Variants in TMEM132C observed in about 807,000 individuals in gnomAD.
The protein encoded by TMEM132C is protein phosphatase 1, regulatory subunit 152.
A neutral mutation model predicts 61.4 loss-of-function variants in TMEM132C; 29 were observed. That is an observed-to-expected ratio of 0.47 (90% CI 0.35 to 0.64). TMEM132C has a LOEUF of 0.64. TMEM132C is among the 30% of genes least tolerant of loss of function. TMEM132C has a pLI of 0.00. For synonymous variants in TMEM132C, 656 were observed against 633.1 expected (o/e 1.04, Z -0.54); for missense variants, 1,408 against 1,476.9 (o/e 0.95, Z 0.76).
At chr12:128,595,465 G>C (rs756907412) in intron 3 of TMEM132C, among the ~76,000 whole-genome samples, 27 of 152,308 alleles carry the variant, frequency 1.8e-4, no homozygotes, top group Admixed American at 5.9e-4. Flanking sequence ...GTTCACTAAG[G>C]GGGGAAGCTG....
At chr12:128,287,484 CATATCTATATCTATATCT>C (rs5801788) in intron 1 of TMEM132C, among the ~76,000 whole-genome samples, 1,993 of 150,054 alleles carry the variant, frequency 0.013, 18 homozygotes, top group Middle Eastern at 0.076. Flanking sequence ...CCTCTGTCTG[CATATCTATATCTATATCT>C]ATATCTATAT....
chr12:128,641,762 T>G (rs549032944), intron 4 of TMEM132C, among the ~76,000 whole-genome samples: 1 of 152,360 alleles, frequency 6.6e-6, no homozygotes, highest in South Asian at 2.1e-4. Flanking sequence ...GGGAAACTAA[T>G]CTAAAATTGG....
At chr12:128,674,195 G>A (rs1954562227) in intron 5 of TMEM132C, among the ~76,000 whole-genome samples, 1 of 152,212 alleles carries the variant, frequency 6.6e-6, no homozygotes, top group Non-Finnish European at 1.5e-5. Context: ...CATTTCCCAT[G>A]AATGGCATCA....
At chr12:128,325,569 A>C (rs756260665) in intron 1 of TMEM132C, among the ~76,000 whole-genome samples, 5 of 152,170 alleles carry the variant, frequency 3.3e-5, no homozygotes, top group Non-Finnish European at 7.3e-5. Context: ...ATTCTTCATG[A>C]AAGTTACTTA....
At chr12:128,407,651 C>G (rs904281144) in intron 1 of TMEM132C, among the ~76,000 whole-genome samples, 1 of 152,198 alleles carries the variant, frequency 6.6e-6, no homozygotes, top group Non-Finnish European at 1.5e-5. Context: ...GCTTGTTCTT[C>G]TTCCTACTAT....
chr12:128,476,280 T>C (rs549087423), intron 2 of TMEM132C, among the ~76,000 whole-genome samples: 3 of 152,260 alleles, frequency 2.0e-5, no homozygotes, highest in African/African-American at 7.2e-5. Context: ...GGAGTCGGAA[T>C]CCTTCCTGGC....
At position 128,383,259 on chromosome 12, in the gene TMEM132C, G is replaced by A. The variant is rs564190083; in HGVS notation, c.86-31473G>A. Among the ~76,000 whole-genome samples the A allele has an allele frequency of 2.6e-5, 4 of 152,258 alleles. No homozygotes were observed. The East Asian group carries it at 7.7e-4, about 29-fold the overall frequency. Reference sequence around the variant, plus strand: ...GTATTTGTGCTCTGTGTATATACGTGCATGTCTGTGTATTCCTCTAGGGCA... The same window carrying A: ...GTATTTGTGCTCTGTGTATATACGTACATGTCTGTGTATTCCTCTAGGGCA... On this transcript the variant is annotated intron_variant, in intron 1 of 8. Coordinates refer to ENST00000435159, the MANE Select transcript of TMEM132C (RefSeq NM_001136103.3).
chr12:128,510,138 A>G (rs574857595), intron 2 of TMEM132C, among the ~76,000 whole-genome samples: 2 of 152,202 alleles, frequency 1.3e-5, no homozygotes, highest in South Asian at 4.1e-4. Flanking sequence ...GATTAAGGTG[A>G]GGAGAAGGAT....
intron 4 of TMEM132C, among the ~76,000 whole-genome samples, chr12:128,647,108 G>A (rs1236984236): frequency 6.6e-6 from 1 of 151,782 alleles, no homozygotes; most frequent in Non-Finnish European, 1.5e-5. Flanking sequence ...TTGGATGTGA[G>A]TGTGTTTACT....
chr12:128,432,709 A>G (rs934038568), intron 2 of TMEM132C, among the ~76,000 whole-genome samples: 4 of 152,390 alleles, frequency 2.6e-5, no homozygotes, highest in Admixed American at 2.0e-4. Context: ...ATACTGGAAC[A>G]TTGTCAAAAT....
At chr12:128,526,355 G>C (rs1484257537) in intron 2 of TMEM132C, among the ~76,000 whole-genome samples, 2 of 152,120 alleles carry the variant, frequency 1.3e-5, no homozygotes, top group Non-Finnish European at 2.9e-5. Context: ...TGGTTTGTAG[G>C]GGCTGCCTTC....
rs148233319 is a variant in TMEM132C, at chr12:128,461,117, C to A, written c.974+45497C>A. 1.6e-3 allele frequency among the ~76,000 whole-genome samples: 241 copies of A among 152,242 alleles called. 1 individual carries two copies. Among genetic ancestry groups the A allele is most frequent in the African/African-American group, 5.3e-3 (220 of 41,542 alleles). Reference sequence around the variant, plus strand: ...TTGTCAGTGACCCAAATTTAAAAGCCATTTATCTTCTCTGTGTGTAACTTG... The same window carrying A: ...TTGTCAGTGACCCAAATTTAAAAGCAATTTATCTTCTCTGTGTGTAACTTG... On this transcript the variant is annotated intron_variant, in intron 2 of 8. Coordinates refer to ENST00000435159, the MANE Select transcript of TMEM132C (RefSeq NM_001136103.3).
Position 128,494,810 on chromosome 12 carries a change from G to A in TMEM132C, c.975-49147G>A, listed in dbSNP as rs1871882579. On this transcript the variant is annotated intron_variant, in intron 2 of 8. Coordinates refer to ENST00000435159, the MANE Select transcript of TMEM132C (RefSeq NM_001136103.3). ...CAAAAAACCACCTCCTGGATTCATG[G>A]ATTTTTTGAAGGGTTTTTTGTGTCT... 3.3e-5 allele frequency among the ~76,000 whole-genome samples: 5 copies of A among 151,924 alleles called. No individual in the cohort carries two copies. In the South Asian group the frequency reaches 1.0e-3, roughly 32 times the overall value.
intron 1 of TMEM132C, among the ~76,000 whole-genome samples, chr12:128,369,646 C>T (rs1565915157): frequency 6.6e-6 from 1 of 152,226 alleles, no homozygotes; most frequent in Non-Finnish European, 1.5e-5. Context: ...AAAGACTCCA[C>T]AGTTATCACT....
intron 1 of TMEM132C, among the ~76,000 whole-genome samples, chr12:128,304,503 G>A (rs1482073509): frequency 6.6e-6 from 1 of 152,096 alleles, no homozygotes; most frequent in African/African-American, 2.4e-5. Flanking sequence ...CAGCTACTCA[G>A]GAGGCTGAGG....
chr12:128,477,111 C>G (rs543268344), intron 2 of TMEM132C, among the ~76,000 whole-genome samples: 1 of 152,172 alleles, frequency 6.6e-6, no homozygotes, highest in African/African-American at 2.4e-5. Flanking sequence ...AAACAACATT[C>G]ATTTATGATT....
intron 3 of TMEM132C, among the ~76,000 whole-genome samples, chr12:128,574,490 T>G (rs1875020062): frequency 6.6e-6 from 1 of 152,322 alleles, no homozygotes; most frequent in African/African-American, 2.4e-5. Flanking sequence ...TGACTTCTTG[T>G]TCCGTCGTGG....
At chr12:128,690,190 G>T (rs373715336) in intron 5 of TMEM132C, among the ~76,000 whole-genome samples, 1 of 152,176 alleles carries the variant, frequency 6.6e-6, no homozygotes, top group African/African-American at 2.4e-5. Flanking sequence ...CATTCTGTCC[G>T]CATAGTTTAG....
At chr12:128,555,697 ATTG>A (rs1379983338) in intron 3 of TMEM132C, among the ~76,000 whole-genome samples, 1 of 149,188 alleles carries the variant, frequency 6.7e-6, no homozygotes, top group Non-Finnish European at 1.5e-5. Context: ...CATTGAGGTT[ATTG>A]TTGTTGCCTA....
Sources: allele counts gnomAD v4.1 joint callset (sites outside exome capture counted in the v4.1 genomes callset), GRCh38; gene constraint gnomAD v4.1.1; transcripts MANE v1.5; gene names NCBI Gene and HGNC (gene_info 2026-07-23, HGNC 2026-07-21).